KIF1B: variants seen among roughly 807,000 people sequenced by gnomAD.
The protein encoded by KIF1B is kinesin family member 1B, also known as kinesin-like protein KIF1B.
In KIF1B, 76 loss-of-function variants were observed where a neutral mutation model predicts 241.9. That is an observed-to-expected ratio of 0.31 (90% CI 0.26 to 0.38). The LOEUF is 0.38. Among genes scored for constraint, KIF1B ranks in the 10% least tolerant of loss-of-function variants. The probability of loss-of-function intolerance (pLI) is 1.00; values close to 1 mark genes in which losing one functional copy is unlikely to be tolerated. For synonymous variants in KIF1B, 750 were observed against 796.7 expected (o/e 0.94, Z 0.99); for missense variants, 1,622 against 2,271.4 (o/e 0.71, Z 5.81).
chr1:10,274,619 G>T (rs546065011), intron 10 of KIF1B, among the ~76,000 whole-genome samples: 9 of 152,104 alleles, frequency 5.9e-5, no homozygotes, highest in Non-Finnish European at 1.3e-4. Flanking sequence ...ATGACATGGT[G>T]GTTGGCCAAG....
At chr1:10,260,438 G>C (rs966731955) in intron 4 of KIF1B, among the ~76,000 whole-genome samples, 1 of 152,054 alleles carries the variant, frequency 6.6e-6, no homozygotes, top group African/African-American at 2.4e-5. Context: ...TGCACACTTA[G>C]GCTACACTAA....
At position 10,296,574 on chromosome 1, in the gene KIF1B, C is replaced by T. The variant is rs1188549546; in HGVS notation, c.1778-8C>T. On this transcript the variant is annotated splice_region_variant and splice_polypyrimidine_tract_variant and intron_variant, in intron 19 of 48. Coordinates refer to ENST00000676179, the MANE Select transcript of KIF1B (RefSeq NM_001365951.3). ...ATGATAACATTAGTTTGTGTTTGTTCCTCTTAGTTATCGTGACCTTAGAGC... is the reference window on the plus strand; with the variant it reads ...ATGATAACATTAGTTTGTGTTTGTTTCTCTTAGTTATCGTGACCTTAGAGC... The T allele has an allele frequency of 1.4e-5, 22 of 1,609,106 alleles. No individual in the cohort carries two copies. The highest frequency in any genetic ancestry group is 1.9e-5 in the Non-Finnish European group (22 of 1,175,816).
In KIF1B at chr1:10,256,320, C is replaced by T. The variant is rs1051505837; in HGVS notation, c.180C>T (p.Thr60=). The T allele has an allele frequency of 4.4e-6, 7 of 1,602,194 alleles. No individual in the cohort carries two copies. Among genetic ancestry groups the T allele is most frequent in the Non-Finnish European group, 6.0e-6 (7 of 1,169,194 alleles). The part of the protein sequence containing the change: ...FSFDYSYWSH[T]SPEDPCFASQ... ...TCGACTATTCCTACTGGTCTCATAC[C>T]TCAGTGAGTACCCTCATGCCACAGC... The change falls in exon 3 of 49, where the codon ACC becomes ACT. Residue 60 remains threonine, a synonymous_variant. Coordinates refer to ENST00000676179, the MANE Select transcript of KIF1B (RefSeq NM_001365951.3).
At position 10,326,447 on chromosome 1, in the gene KIF1B, A is replaced by G; in HGVS notation, c.2924+88A>G. ...CTTGCACAATTTTGGATAACCTTGCATTAGCCAATTCAACTCATGAATGCT... is the reference window on the plus strand; with the variant it reads ...CTTGCACAATTTTGGATAACCTTGCGTTAGCCAATTCAACTCATGAATGCT... On this transcript the variant is annotated intron_variant, in intron 27 of 48. Transcript: ENST00000676179. The surrounding 1 kb of genome is among the most constrained non-coding windows in gnomAD (Gnocchi z 5.2). 1.3e-6 allele frequency: 2 copies of G among 1,527,516 alleles called. No homozygotes were observed. Among genetic ancestry groups the G allele is most frequent in the East Asian group, 2.2e-5 (1 of 44,474 alleles). The allele number at this position is 1,527,516 out of a possible 1,614,324, so 94.6% of individuals were successfully genotyped here. A position where few individuals can be genotyped will look rare whatever the true frequency, so the allele number is the denominator to read the frequency against.
chr1:10,317,711 G>T (rs1377114970), intron 22 of KIF1B, among the ~76,000 whole-genome samples: 1 of 150,972 alleles, frequency 6.6e-6, no homozygotes, highest in East Asian at 1.9e-4. Context: ...TGCACCTGTA[G>T]TCCCAGCTAC....
chr1:10,239,606 TTTA>T (rs1226064972), intron 2 of KIF1B, among the ~76,000 whole-genome samples: 10 of 151,966 alleles, frequency 6.6e-5, no homozygotes, highest in African/African-American at 9.7e-5. Flanking sequence ...TTTATTTTAT[TTTA>T]TTATTATTAT....
intron 1 of KIF1B, among the ~76,000 whole-genome samples, chr1:10,222,851 A>ACTCAGGCT (rs1425066581): frequency 3.0e-4 from 45 of 152,364 alleles, no homozygotes; most frequent in Non-Finnish European, 5.3e-4. Context: ...TAAGTGATTT[A>ACTCAGGCT]GAGTATGTAT....
intron 7 of KIF1B, among the ~76,000 whole-genome samples, chr1:10,271,287 G>T (rs574512083): frequency 1.3e-5 from 2 of 152,144 alleles, no homozygotes; most frequent in Non-Finnish European, 2.9e-5. Flanking sequence ...TTCCTGAGTA[G>T]CTGGGACTAC....
intron 1 of KIF1B, among the ~76,000 whole-genome samples, chr1:10,223,200 C>A (rs887468558): frequency 6.6e-6 from 1 of 152,060 alleles, no homozygotes; most frequent in African/African-American, 2.4e-5. Context: ...TGCAGTAAAC[C>A]GAGATGGCTA....
rs780214312 is a variant in KIF1B, at chr1:10,345,941, A to G, written c.3785A>G (p.Glu1262Gly). 30 of 1,604,014 alleles carry G rather than the reference A, an allele frequency of 1.9e-5. 1 individual carries two copies. The South Asian group carries it at 3.3e-4, about 18-fold the overall frequency. The change falls in exon 35 of 49, where the codon GAG (glutamate) becomes GGG (glycine). Residue 1262 changes from glutamate to glycine, a missense_variant. By Grantham distance (98) the Glu-to-Gly change is moderately conservative. Around this residue, in one of 7 missense-constraint regions of KIF1B, gnomAD observed 803 missense variants for 1,112.0 expected, o/e 0.72. Transcript: ENST00000676179. ...GTTTGGTTTGAGATCAGTGAACTGG[A>G]GCCTACAGGAGAGTAAGTCCAACTT... ...LLVWFEISEL[E>G]PTGEYIPAVV...
chr1:10,310,188 T>C (rs750098883), intron 22 of KIF1B, among the ~76,000 whole-genome samples: 31 of 151,686 alleles, frequency 2.0e-4, no homozygotes, highest in Non-Finnish European at 4.1e-4. Context: ...GGAAGAGTGG[T>C]TCTCAAACTT....
At chr1:10,305,655 T>A in intron 22 of KIF1B, 1 of 1,056,696 alleles carries the variant, frequency 9.5e-7, no homozygotes, top group Non-Finnish European at 1.1e-6. Context: ...AAACTATTCT[T>A]TGGTTAGCAT....
intron 2 of KIF1B, among the ~76,000 whole-genome samples, chr1:10,242,249 G>A (rs1046970996): frequency 1.3e-5 from 2 of 152,000 alleles, no homozygotes; most frequent in South Asian, 2.1e-4. Flanking sequence ...GAGAAAGGGC[G>A]TCTAAATACA....
Position 10,232,302 on chromosome 1 carries a change from A to G in KIF1B, c.-27A>G, listed in dbSNP as rs755740138. On this transcript the variant is annotated 5_prime_UTR_variant, in exon 2 of 49. Transcript: ENST00000676179. Reference sequence around the variant, plus strand: ...ATTTGATTCTTTATTTCTGGACTGCATATATATATATAACAAGGCCATTAA... The same window carrying G: ...ATTTGATTCTTTATTTCTGGACTGCGTATATATATATAACAAGGCCATTAA... 1.6e-6 allele frequency: 2 copies of G among 1,238,232 alleles called. No homozygotes were observed. Among genetic ancestry groups the G allele is most frequent in the Admixed American group, 1.9e-5 (1 of 52,772 alleles). The allele number at this position is 1,238,232 out of a possible 1,614,324, so 76.7% of individuals were successfully genotyped here. A position where few individuals can be genotyped will look rare whatever the true frequency, so the allele number is the denominator to read the frequency against.
rs1323362062 is a variant in KIF1B, at chr1:10,363,266, T to A, written c.4305-17T>A. The A allele has an allele frequency of 1.2e-6, 2 of 1,605,590 alleles. No individual in the cohort carries two copies. The highest frequency in any genetic ancestry group is 8.5e-7 in the Non-Finnish European group (1 of 1,172,312). ...TGCTTTAAGAGATTAAACAATTGTTTTATTTTCTTCAAATAGGAATCGAGT... is the reference window on the plus strand; with the variant it reads ...TGCTTTAAGAGATTAAACAATTGTTATATTTTCTTCAAATAGGAATCGAGT... On this transcript the variant is annotated splice_polypyrimidine_tract_variant and intron_variant, in intron 40 of 48. Coordinates refer to ENST00000676179, the MANE Select transcript of KIF1B (RefSeq NM_001365951.3).
Position 10,327,083 on chromosome 1 carries a change from C to G in KIF1B, c.2924+724C>G, listed in dbSNP as rs542719972. 2.6e-5 allele frequency among the ~76,000 whole-genome samples: 4 copies of G among 152,146 alleles called. No individual in the cohort carries two copies. The South Asian group carries it at 6.2e-4, about 24-fold the overall frequency. ...TATTGGCCAGGCACGGTGGCTCACC[C>G]CTGTAATCCTAGCACTTTGGCTCAC... On this transcript the variant is annotated intron_variant, in intron 27 of 48. Transcript: ENST00000676179.
At chr1:10,327,374 G>T (rs1387466048) in intron 27 of KIF1B, among the ~76,000 whole-genome samples, 2 of 152,032 alleles carry the variant, frequency 1.3e-5, no homozygotes, top group South Asian at 2.1e-4. Context: ...GGTGGCGGGT[G>T]CCTGTAATCC....
chr1:10,332,685 T>G (rs1328333681), intron 27 of KIF1B, among the ~76,000 whole-genome samples: 2 of 150,942 alleles, frequency 1.3e-5, no homozygotes, highest in East Asian at 2.0e-4. Flanking sequence ...CTGGCTAATT[T>G]TTTGTATTTT....
chr1:10,317,056 C>T (rs1210961347), intron 22 of KIF1B, among the ~76,000 whole-genome samples: 3 of 151,416 alleles, frequency 2.0e-5, no homozygotes, highest in Non-Finnish European at 2.9e-5. Context: ...CCTGTAATCC[C>T]AGCACTTTGG....
Sources: gnomAD v4.1 joint callset for allele counts (sites outside exome capture counted in the v4.1 genomes callset) on GRCh38, gnomAD v4.1.1 for gene constraint, gnomAD v4.1.1 regional missense constraint, Gnocchi (gnomAD v3.1) non-coding constraint, MANE v1.5 for transcripts, NCBI Gene and HGNC (gene_info 2026-07-23, HGNC 2026-07-21) for gene names.